The following ABCC9 variants were observed in gnomAD, a reference collection of about 807,000 sequenced individuals.
ABCC9 encodes ATP-binding cassette sub-family C member 9.
ABCC9 carries 95 observed loss-of-function variants against 188.3 expected under a neutral mutation model. The observed-to-expected ratio is 0.50, with a 90% confidence interval of 0.43 to 0.60. The LOEUF (loss-of-function observed/expected upper bound fraction) is 0.60, where lower values mean the gene tolerates loss of function less well. ABCC9 is among the 20% of genes least tolerant of loss of function. The pLI, the probability that ABCC9 is intolerant of heterozygous loss-of-function variation, is 0.00. For synonymous variants in ABCC9, 659 were observed against 652.7 expected, an observed-to-expected ratio of 1.01 and a Z score of -0.15; for missense variants, 1,102 against 1,876.3, an observed-to-expected ratio of 0.59 and a Z score of 7.62.
intron 33 of ABCC9, among the ~76,000 whole-genome samples, chr12:21,816,107 C>G (rs1161567524): frequency 1.1e-5 from 1 of 94,366 alleles, no homozygotes; most frequent in African/African-American, 4.0e-5. Context: ...AAATAAACAC[C>G]TTTTGATTAC....
At chr12:21,929,763 C>A (rs555070621) in intron 4 of ABCC9, among the ~76,000 whole-genome samples, 20 of 152,102 alleles carry the variant, frequency 1.3e-4, no homozygotes, top group African/African-American at 4.3e-4. Flanking sequence ...AGTGTGTTAT[C>A]ATTCCTCTTT....
chr12:21,941,075 C>T lies in ABCC9; in HGVS notation c.-137+125G>A, dbSNP rs1418389710. Reference sequence around the variant, plus strand: ...AATAGCGATCGCGAAAGCTAAGTGCCGAGAAGTGCGAGAGAGTGCGAGGGC... The same window carrying T: ...AATAGCGATCGCGAAAGCTAAGTGCTGAGAAGTGCGAGAGAGTGCGAGGGC... On this transcript the variant is annotated intron_variant, in intron 1 of 39. Transcript: ENST00000261200. The surrounding 1 kb of genome is among the most constrained non-coding windows in gnomAD (Gnocchi z 5.4). 6.6e-6 allele frequency: 1 copy of T among 152,174 alleles called. No homozygotes were observed. Among genetic ancestry groups the T allele is most frequent in the Non-Finnish European group, 1.5e-5 (1 of 68,036 alleles). The allele number at this position is 152,174 out of a possible 1,614,324, so 9.4% of individuals were successfully genotyped here.
chr12:21,871,887 G>A (rs1946101103), intron 18 of ABCC9, among the ~76,000 whole-genome samples: 1 of 152,188 alleles, frequency 6.6e-6, no homozygotes, highest in African/African-American at 2.4e-5. Context: ...TAGATCAGCT[G>A]TAGCCAGTGT....
intron 24 of ABCC9, among the ~76,000 whole-genome samples, chr12:21,848,548 C>T (rs1010710753): frequency 2.0e-5 from 3 of 152,168 alleles, no homozygotes; most frequent in African/African-American, 7.2e-5. Flanking sequence ...CATATTTCTA[C>T]CATTGCTACT....
intron 17 of ABCC9, 86 bp downstream of exon 17, chr12:21,875,568 G>C: frequency 3.0e-6 from 3 of 991,520 alleles, no homozygotes; most frequent in Non-Finnish European, 3.2e-6. Context: ...TCTTTAAAAA[G>C]TATCTTTTTG....
At chr12:21,913,172 T>G in intron 7 of ABCC9, 106 bp from the exon 8 acceptor site, 1 of 983,538 alleles carries the variant, frequency 1.0e-6, no homozygotes, top group East Asian at 2.6e-5. Context: ...TCAAAAATAC[T>G]TTAAGGGTTT....
intron 5 of ABCC9, chr12:21,924,070 G>A: frequency 2.5e-6 from 1 of 401,352 alleles, no homozygotes; most frequent in Non-Finnish European, 4.4e-6. Context: ...TCCATGGTGG[G>A]GGTAAAAATC....
intron 35 of ABCC9, among the ~76,000 whole-genome samples, chr12:21,812,674 G>A (rs565789355): frequency 6.8e-4 from 103 of 152,124 alleles, no homozygotes; most frequent in Middle Eastern, 3.4e-3. Flanking sequence ...ACAGGTTGGG[G>A]AACATCACAC....
rs141025897 is a variant in ABCC9, at chr12:21,848,190, A to C, written c.2826T>G (p.Tyr942Ter). Residue 942 changes from tyrosine to a stop codon, truncating the protein, a stop_gained, in exon 25 of 40, where the codon TAT becomes TAG. Coordinates refer to ENST00000261200, the MANE Select transcript of ABCC9 (RefSeq NM_020297.4). LOFTEE classifies it high-confidence loss of function. ...CCATCTGGGCTTTGGCTTCTCTTGA[A>C]TACATGGCCCGTCGGAGAGTTTTCC... Reference protein sequence around the residue: ...LERKTLRRAMYSREAKAQMED... With the variant: ...LERKTLRRAM 1 of 1,613,580 alleles carries C rather than the reference A, an allele frequency of 6.2e-7. No individual in the cohort carries two copies. Among genetic ancestry groups the C allele is most frequent in the Non-Finnish European group, 8.5e-7 (1 of 1,179,666 alleles).
intron 12 of ABCC9, among the ~76,000 whole-genome samples, chr12:21,899,686 C>T (rs925229398): frequency 4.6e-5 from 7 of 152,302 alleles, no homozygotes; most frequent in African/African-American, 1.7e-4. Flanking sequence ...CTCGGAGGGT[C>T]CCACACCCAT....
In ABCC9 at chr12:21,799,022, T is replaced by G. The variant is rs1190034010; in HGVS notation, c.*2022A>C. The G allele has an allele frequency of 2.1e-5, 3 of 144,670 alleles. No homozygotes were observed. The highest frequency in any genetic ancestry group is 7.8e-5 in the African/African-American group (3 of 38,632). The allele number at this position is 144,670 out of a possible 1,614,324, so 9.0% of individuals were successfully genotyped here. The stretch of plus-strand genomic sequence containing the variant: ...ACAAAAAACCAAACACCGCATATTC[T>G]CACTCATAGGTGGGAATTGAACAAT... On this transcript the variant is annotated 3_prime_UTR_variant, in exon 40 of 40. Transcript: ENST00000261200.
At chr12:21,928,602 T>G (rs947812502) in intron 4 of ABCC9, among the ~76,000 whole-genome samples, 1 of 152,084 alleles carries the variant, frequency 6.6e-6, no homozygotes, top group Non-Finnish European at 1.5e-5. Context: ...TTAAACAGGT[T>G]TGATAAGAAA....
At chr12:21,821,481 T>A (rs544172196) in intron 31 of ABCC9, among the ~76,000 whole-genome samples, 126 of 152,248 alleles carry the variant, frequency 8.3e-4, no homozygotes, top group African/African-American at 2.9e-3. Flanking sequence ...GTTGCTGTGT[T>A]TTTTATAAAG....
At chr12:21,883,433 G>A (rs1212012561) in intron 15 of ABCC9, among the ~76,000 whole-genome samples, 2 of 152,226 alleles carry the variant, frequency 1.3e-5, no homozygotes, top group African/African-American at 4.8e-5. Context: ...CATGTAAGAT[G>A]TGCCTTTGCT....
chr12:21,801,928 A>G (rs953186307), intron 39 of ABCC9, among the ~76,000 whole-genome samples: 1 of 152,224 alleles, frequency 6.6e-6, no homozygotes, highest in Non-Finnish European at 1.5e-5. Context: ...AGGAGGTCAC[A>G]TAGATAGTAA....
Position 21,806,064 on chromosome 12 carries a change from C to CAAA in ABCC9, c.4450-7_4450-5dup. On this transcript the variant is annotated splice_region_variant and splice_polypyrimidine_tract_variant and intron_variant, in intron 38 of 39. Transcript: ENST00000261200. ...CTACTTTTTGCAAAATATTCTCCTG[C>CAAA]AAAAAAAAAAAAGTGTAAATTTTCT... 6.7e-6 allele frequency: 9 copies of CAAA among 1,335,296 alleles called. No homozygotes were observed. Among genetic ancestry groups the CAAA allele is most frequent in the South Asian group, 1.2e-5 (1 of 80,292 alleles). The allele number at this position is 1,335,296 out of a possible 1,614,324, so 82.7% of individuals were successfully genotyped here.
chr12:21,833,246 T>C (rs975791045), intron 30 of ABCC9, among the ~76,000 whole-genome samples: 4 of 152,038 alleles, frequency 2.6e-5, no homozygotes, highest in Admixed American at 2.6e-4. Context: ...TAACAAAAAA[T>C]TGCCTGTTCC....
At chr12:21,933,690 A>G in intron 4 of ABCC9, 92 bp downstream of exon 4, 1 of 1,492,584 alleles carries the variant, frequency 6.7e-7, no homozygotes, top group South Asian at 1.1e-5. Context: ...TATAAAGCAC[A>G]TTTATGGGCA....
In ABCC9 at chr12:21,941,026, CG is replaced by C. The variant is rs1233046820; in HGVS notation, c.-137+173del. 5.9e-5 allele frequency among the ~76,000 whole-genome samples: 9 copies of C among 152,290 alleles called. No individual in the cohort carries two copies. The East Asian group carries it at 1.5e-3, about 26-fold the overall frequency. The stretch of plus-strand genomic sequence containing the variant: ...ATCCCCACCCCTTCACTTCTCGAGC[CG>C]GGCCTCGTCCCTTAATTCTAGAAAT... On this transcript the variant is annotated intron_variant, in intron 1 of 39. Coordinates refer to ENST00000261200, the MANE Select transcript of ABCC9 (RefSeq NM_020297.4). This position sits in a 1 kb window ranked among gnomAD's most constrained non-coding sequence, Gnocchi z 5.4.
Sources: gnomAD v4.1 joint callset for allele counts (sites outside exome capture counted in the v4.1 genomes callset) on GRCh38, gnomAD v4.1.1 for gene constraint, Gnocchi (gnomAD v3.1) non-coding constraint, MANE v1.5 for transcripts, NCBI Gene and HGNC (gene_info 2026-07-23, HGNC 2026-07-21) for gene names.